MAP4K2: variants seen among roughly 807,000 people sequenced by gnomAD.
MAP4K2 encodes B lymphocyte serine/threonine protein kinase.
MAP4K2 carries 85 observed loss-of-function variants against 125.3 expected under a neutral mutation model. The observed-to-expected ratio is 0.68, with a 90% confidence interval of 0.57 to 0.81. The LOEUF is 0.81. Among genes scored for constraint, MAP4K2 ranks in the 40% least tolerant of loss-of-function variants. The probability of loss-of-function intolerance (pLI) is 0.00; values close to 1 mark genes in which losing one functional copy is unlikely to be tolerated. For synonymous variants in MAP4K2, 479 were observed against 445.1 expected (o/e 1.08, Z -0.96); for missense variants, 923 against 1,056.4 (o/e 0.87, Z 1.75).
chr11:64,792,370 G>A lies in MAP4K2; in HGVS notation c.1804C>T (p.Arg602Cys), dbSNP rs768512421. 5.7e-6 allele frequency: 6 copies of A among 1,046,914 alleles called. No individual in the cohort carries two copies. The highest frequency in any genetic ancestry group is 5.3e-5 in the East Asian group (1 of 19,030). 64.9% of individuals were successfully genotyped at this position (1,046,914 alleles called of 1,614,324 possible). Residue 602 changes from arginine (R) to cysteine (C), a missense_variant, in exon 25 of 32, where the codon CGT (arginine) becomes TGT (cysteine). Physicochemically the swap from Arg to Cys is radical, Grantham distance 180. Transcript: ENST00000294066. ...CGCCCAGCCCATTTCTTACCCACACGACACTGCAAGCAGCCTTTGGTGTCA... is the reference window on the plus strand; with the variant it reads ...CGCCCAGCCCATTTCTTACCCACACAACACTGCAAGCAGCCTTTGGTGTCA... Reference protein sequence around the residue: ...IPDTKGCLQCRVVRNPYTGAT... With the variant: ...IPDTKGCLQCCVVRNPYTGAT...
intron 24 of MAP4K2, among the ~76,000 whole-genome samples, chr11:64,795,302 G>A (rs1275808023): frequency 6.6e-6 from 1 of 151,420 alleles, no homozygotes; most frequent in South Asian, 2.1e-4. Context: ...CAGGCTGGTC[G>A]TAAACTCCTG....
Position 64,799,689 on chromosome 11 carries a change from G to A in MAP4K2, c.916-6C>T. The A allele has an allele frequency of 6.2e-7, 1 of 1,613,142 alleles. No homozygotes were observed. The highest frequency in any genetic ancestry group is 8.5e-7 in the Non-Finnish European group (1 of 1,179,636). On this transcript the variant is annotated splice_polypyrimidine_tract_variant and splice_region_variant and intron_variant, in intron 12 of 31. Coordinates refer to ENST00000294066, the MANE Select transcript of MAP4K2 (RefSeq NM_004579.5). ...TCTGGAAACATGTCATAGGTCTAAG[G>A]AAAAACAGAAACAGTGTGGACACAC...
chr11:64,795,229 G>T (rs1940723024), intron 24 of MAP4K2, among the ~76,000 whole-genome samples: 1 of 140,502 alleles, frequency 7.1e-6, no homozygotes, highest in South Asian at 2.3e-4. Context: ...GACTACAGGT[G>T]CGCACCACTA....
At chr11:64,793,228 A>AGCT (rs1940607188) in intron 24 of MAP4K2, among the ~76,000 whole-genome samples, 1 of 152,112 alleles carries the variant, frequency 6.6e-6, no homozygotes, top group Non-Finnish European at 1.5e-5. Flanking sequence ...AAAAAAAAGA[A>AGCT]AAAGAAAAAA....
intron 24 of MAP4K2, among the ~76,000 whole-genome samples, chr11:64,792,627 T>C (rs1271357209): frequency 1.3e-5 from 2 of 151,630 alleles, no homozygotes; most frequent in Non-Finnish European, 2.9e-5. Context: ...CAGGAGGGAG[T>C]GTCTCCATCC....
intron 24 of MAP4K2, among the ~76,000 whole-genome samples, chr11:64,794,532 G>C (rs886646696): frequency 2.0e-5 from 3 of 151,960 alleles, no homozygotes; most frequent in Non-Finnish European, 4.4e-5. Context: ...GCTAATTTTT[G>C]TATTTTTACT....
Position 64,789,720 on chromosome 11 carries a change from C to T in MAP4K2, c.2375+10G>A. ...GCATCTGAAGGGGAGGCTAGGGTAC[C>T]ACCGCCTACCTGTGGGCCCCAAGCA... On this transcript the variant is annotated intron_variant, in intron 31 of 31. Transcript: ENST00000294066. The T allele has an allele frequency of 6.2e-7, 1 of 1,614,088 alleles. No homozygotes were observed. Among genetic ancestry groups the T allele is most frequent in the South Asian group, 1.1e-5 (1 of 91,080 alleles).
Position 64,800,153 on chromosome 11 carries a change from C to T in MAP4K2, c.871G>A (p.Asp291Asn). ...GGGGAGGGGGTCCCCAGATGAGGGTCACTGGCTTTGTCCAGCAGCTGTGTG... is the reference window on the plus strand; with the variant it reads ...GGGGAGGGGGTCCCCAGATGAGGGTTACTGGCTTTGTCCAGCAGCTGTGTG... Reference protein sequence around the residue: ...LLTQLLDKASDPHLGTPSPED... With the variant: ...LLTQLLDKASNPHLGTPSPED... The change falls in exon 12 of 32, where the codon GAC becomes AAC. Residue 291 changes from aspartate (D) to asparagine (N), a missense_variant. This residue lies in a region of MAP4K2 where 833 missense variants were observed against 911.4 expected (regional missense o/e 0.91). Transcript: ENST00000294066. 1 of 1,612,898 alleles carries T rather than the reference C, an allele frequency of 6.2e-7. No individual in the cohort carries two copies. The highest frequency in any genetic ancestry group is 8.5e-7 in the Non-Finnish European group (1 of 1,179,654).
At chr11:64,792,336 G>GCCCCCCC in intron 25 of MAP4K2, 28 bp downstream of exon 25, 21 of 614,766 alleles carry the variant, frequency 3.4e-5, no homozygotes, top group Non-Finnish European at 4.2e-5. Context: ...ACCAGGCCCC[G>GCCCCCCC]CCCCACCCCG....
Position 64,801,175 on chromosome 11 carries a change from C to CA in MAP4K2, c.465dup (p.Gly156TrpfsTer38). On this transcript the variant is annotated frameshift_variant, in exon 8 of 32. Coordinates refer to ENST00000294066, the MANE Select transcript of MAP4K2 (RefSeq NM_004579.5). LOFTEE classifies it high-confidence loss of function. Reference sequence around the variant, plus strand: ...GACGCTGTCAGCTCGCCTGACACCCCAAAGTCAGCTGTGGGGAGAAACAGC... The same window carrying CA: ...GACGCTGTCAGCTCGCCTGACACCCCAAAAGTCAGCTGTGGGGAGAAACAGC... 1 of 1,612,818 alleles carries CA rather than the reference C, an allele frequency of 6.2e-7. No homozygotes were observed. The highest frequency in any genetic ancestry group is 8.5e-7 in the Non-Finnish European group (1 of 1,179,824).
In MAP4K2 at chr11:64,789,542, AGGTGCTCTGGT is replaced by A; in HGVS notation, c.2447_2457del (p.His816LeufsTer18). On this transcript the variant is annotated frameshift_variant, in exon 32 of 32. Transcript: ENST00000294066. LOFTEE classifies it high-confidence loss of function. ...CCTGGACAGGCCCGCTGCTCTTAGT[AGGTGCTCTGGT>A]GGCCCGTGAGGATGTAGAGGTTGCT... 5.7e-6 allele frequency: 9 copies of A among 1,582,100 alleles called. No homozygotes were observed. Among genetic ancestry groups the A allele is most frequent in the Non-Finnish European group, 7.7e-6 (9 of 1,163,522 alleles).
chr11:64,789,087 G>C lies in MAP4K2; in HGVS notation c.*450C>G, dbSNP rs1183365474. On this transcript the variant is annotated 3_prime_UTR_variant, in exon 32 of 32. Coordinates refer to ENST00000294066, the MANE Select transcript of MAP4K2 (RefSeq NM_004579.5). Reference sequence around the variant, plus strand: ...CAGAAACGTGTGTTGGAGGGAAGGAGGCGGGAGATGAGGTGGGTTCACTCC... The same window carrying C: ...CAGAAACGTGTGTTGGAGGGAAGGACGCGGGAGATGAGGTGGGTTCACTCC... The C allele has an allele frequency of 5.7e-6, 1 of 174,886 alleles. No homozygotes were observed. Among genetic ancestry groups the C allele is most frequent in the Non-Finnish European group, 1.2e-5 (1 of 81,344 alleles). The allele number at this position is 174,886 out of a possible 1,614,324, so 10.8% of individuals were successfully genotyped here.
In MAP4K2 at chr11:64,797,541, G is replaced by C; in HGVS notation, c.1137-7C>G. The stretch of plus-strand genomic sequence containing the variant: ...TGACCGAATAGTCAGACTCCTGTGG[G>C]AGGGAGATGAGGCGTGAGGCATGAG... On this transcript the variant is annotated splice_polypyrimidine_tract_variant and splice_region_variant and intron_variant, in intron 16 of 31. Transcript: ENST00000294066. The C allele has an allele frequency of 6.4e-7, 1 of 1,571,634 alleles. No individual in the cohort carries two copies. The highest frequency in any genetic ancestry group is 1.2e-5 in the South Asian group (1 of 85,668).
At position 64,800,922 on chromosome 11, in the gene MAP4K2, G is replaced by C. The variant is rs1941127584; in HGVS notation, c.640C>G (p.Leu214Val). 3 of 1,613,952 alleles carry C rather than the reference G, an allele frequency of 1.9e-6. No individual in the cohort carries two copies. Among genetic ancestry groups the C allele is most frequent in the South Asian group, 2.2e-5 (2 of 91,096 alleles). The change falls in exon 9 of 32, where the codon CTG becomes GTG. Residue 214 changes from leucine to valine, a missense_variant. Coordinates refer to ENST00000294066, the MANE Select transcript of MAP4K2 (RefSeq NM_004579.5). ...GACCTCATGGGGTGCAGGTGGAACA[G>C]AGGGGGCTGCAGCTCGCCCAGCTCA... Reference protein sequence around the residue: ...AIELGELQPPLFHLHPMRALM... With the variant: ...AIELGELQPPVFHLHPMRALM...
Position 64,796,423 on chromosome 11 carries a change from G to A in MAP4K2, c.1634-33C>T, listed in dbSNP as rs752295013. 37 of 1,613,422 alleles carry A rather than the reference G, an allele frequency of 2.3e-5. No individual in the cohort carries two copies. In the Admixed American group the frequency reaches 3.0e-4, roughly 13 times the overall value. ...AACAGGAAGAGGCCAGGCCTGGGGT[G>A]TTGGTGGGCAGGATGCTGAGGCGCT... On this transcript the variant is annotated intron_variant, in intron 23 of 31. Transcript: ENST00000294066.
Position 64,797,555 on chromosome 11 carries a change from G to A in MAP4K2, c.1137-21C>T, listed in dbSNP as rs375594957. On this transcript the variant is annotated intron_variant, in intron 16 of 31. Coordinates refer to ENST00000294066, the MANE Select transcript of MAP4K2 (RefSeq NM_004579.5). The stretch of plus-strand genomic sequence containing the variant: ...GACTCCTGTGGGAGGGAGATGAGGC[G>A]TGAGGCATGAGGTGTGACTGGCACC... 11 of 1,573,298 alleles carry A rather than the reference G, an allele frequency of 7.0e-6. No homozygotes were observed. The East Asian group carries it at 9.3e-5, about 13-fold the overall frequency.
chr11:64,801,650 T>C (rs759974920), intron 6 of MAP4K2, 29 bp from the exon 7 acceptor site: 143 of 1,613,698 alleles, frequency 8.9e-5, no homozygotes, highest in Non-Finnish European at 1.1e-4. Context: ...GACAATCCCA[T>C]CTGGTGCCCC....
rs1941027987 is a variant in MAP4K2 at position 64,799,498 on chromosome 11, A to G, written c.995-19T>C. On this transcript the variant is annotated intron_variant, in intron 13 of 31. Coordinates refer to ENST00000294066, the MANE Select transcript of MAP4K2 (RefSeq NM_004579.5). ...TGGTGAACTGGGGGGCCCAGAGTAC[A>G]AGAGTGAAGGAGCTGGAGTCTCAGG... 1 of 1,612,164 alleles carries G rather than the reference A, an allele frequency of 6.2e-7. No individual in the cohort carries two copies. Among genetic ancestry groups the G allele is most frequent in the Non-Finnish European group, 8.5e-7 (1 of 1,179,406 alleles).
Position 64,796,396 on chromosome 11 carries a change from G to A in MAP4K2, c.1634-6C>T. On this transcript the variant is annotated splice_region_variant and splice_polypyrimidine_tract_variant and intron_variant, in intron 23 of 31. Coordinates refer to ENST00000294066, the MANE Select transcript of MAP4K2 (RefSeq NM_004579.5). The stretch of plus-strand genomic sequence containing the variant: ...CCAGATGTGCGTGGATTTCCCTGCA[G>A]AAACAGGAAGAGGCCAGGCCTGGGG... 6.2e-7 allele frequency: 1 copy of A among 1,611,096 alleles called. No individual in the cohort carries two copies. Among genetic ancestry groups the A allele is most frequent in the Non-Finnish European group, 8.5e-7 (1 of 1,178,156 alleles).
Sources: gnomAD v4.1 joint callset for allele counts (sites outside exome capture counted in the v4.1 genomes callset) on GRCh38, gnomAD v4.1.1 for gene constraint, gnomAD v4.1.1 regional missense constraint, MANE v1.5 for transcripts, NCBI Gene and HGNC (gene_info 2026-07-23, HGNC 2026-07-21) for gene names.